TEC: variants seen among roughly 807,000 people sequenced by gnomAD.
The protein encoded by TEC is tec protein tyrosine kinase.
In TEC, 72 loss-of-function variants were observed where a neutral mutation model predicts 93.0. That is an observed-to-expected ratio of 0.77 (90% CI 0.64 to 0.94). TEC has a LOEUF of 0.94. Among genes scored for constraint, TEC ranks in the 40% least tolerant of loss-of-function variants. The probability of loss-of-function intolerance (pLI) is 0.00; values close to 1 mark genes in which losing one functional copy is unlikely to be tolerated. For missense variants in TEC, 630 were observed against 757.9 expected, an observed-to-expected ratio of 0.83 and a Z score of 1.98; for synonymous variants, 249 against 247.7, an observed-to-expected ratio of 1.01 and a Z score of -0.05.
chr4:48,176,506 A>C (rs1280349319), intron 2 of TEC, among the ~76,000 whole-genome samples: 2 of 152,162 alleles, frequency 1.3e-5, no homozygotes, highest in Admixed American at 1.3e-4. Flanking sequence ...GGATTACTTG[A>C]GGCCAGCAGT....
At chr4:48,201,334 A>G (rs1157061652) in intron 2 of TEC, among the ~76,000 whole-genome samples, 1 of 152,188 alleles carries the variant, frequency 6.6e-6, no homozygotes, top group Non-Finnish European at 1.5e-5. Context: ...AGACCTCAGA[A>G]TAGATATCAG....
chr4:48,179,361 TA>T (rs1560393149), intron 2 of TEC, among the ~76,000 whole-genome samples: 599 of 43,936 alleles, frequency 0.014, 12 homozygotes, highest in South Asian at 0.025. Flanking sequence ...TATATATATA[TA>T]TATATATATA....
intron 1 of TEC, among the ~76,000 whole-genome samples, chr4:48,263,699 C>T (rs1724557957): frequency 6.6e-6 from 1 of 151,914 alleles, no homozygotes; most frequent in South Asian, 2.1e-4. Flanking sequence ...TGTCTCCACC[C>T]CCGCCAAAAA....
At chr4:48,235,721 T>C (rs534123754) in intron 1 of TEC, among the ~76,000 whole-genome samples, 4 of 152,250 alleles carry the variant, frequency 2.6e-5, no homozygotes, top group Admixed American at 2.6e-4. Context: ...TCCAGGAGTA[T>C]CCCTATGGAA....
At chr4:48,223,471 T>C (rs375352110) in intron 2 of TEC, among the ~76,000 whole-genome samples, 15 of 152,312 alleles carry the variant, frequency 9.8e-5, no homozygotes, top group African/African-American at 2.9e-4. Context: ...GTAAGCTGTA[T>C]GTTGTGCAGG....
intron 2 of TEC, among the ~76,000 whole-genome samples, chr4:48,194,653 G>A (rs1218465675): frequency 6.6e-6 from 1 of 152,170 alleles, no homozygotes; most frequent in Admixed American, 6.5e-5. Flanking sequence ...GAGTTGGGGG[G>A]AGTGAGGAAG....
chr4:48,224,683 A>G (rs1298763936), intron 2 of TEC, among the ~76,000 whole-genome samples: 1 of 152,248 alleles, frequency 6.6e-6, no homozygotes, highest in African/African-American at 2.4e-5. Context: ...AAGGACCCAC[A>G]GCGGAAACTG....
At chr4:48,162,946 G>A (rs1017900571) in intron 8 of TEC, among the ~76,000 whole-genome samples, 21 of 152,132 alleles carry the variant, frequency 1.4e-4, no homozygotes, top group Admixed American at 4.6e-4. Context: ...CCCTAACAAT[G>A]TTCACGTACA....
At chr4:48,255,982 G>C (rs1724329824) in intron 1 of TEC, among the ~76,000 whole-genome samples, 1 of 152,144 alleles carries the variant, frequency 6.6e-6, no homozygotes, top group South Asian at 2.1e-4. Flanking sequence ...CCCAAATACA[G>C]AGTCAAAGCT....
chr4:48,232,119 T>C (rs1398110226), intron 1 of TEC, among the ~76,000 whole-genome samples: 2 of 151,924 alleles, frequency 1.3e-5, no homozygotes, highest in East Asian at 1.9e-4. Context: ...TGAAACTCCA[T>C]CTCTATTAAA....
intron 2 of TEC, among the ~76,000 whole-genome samples, chr4:48,201,164 G>A (rs1042715400): frequency 2.6e-5 from 4 of 152,196 alleles, no homozygotes; most frequent in African/African-American, 4.8e-5. Flanking sequence ...GTCCAGACAA[G>A]AGAGGGTGAA....
intron 2 of TEC, among the ~76,000 whole-genome samples, chr4:48,220,881 A>G (rs918913067): frequency 6.6e-6 from 1 of 152,154 alleles, no homozygotes; most frequent in Non-Finnish European, 1.5e-5. Context: ...GAATTAAGAC[A>G]GACCCCACAG....
intron 2 of TEC, 53 bp downstream of exon 2, chr4:48,228,424 T>C (rs1723545921): frequency 6.7e-7 from 1 of 1,490,774 alleles, no homozygotes; most frequent in East Asian, 2.4e-5. Context: ...GGCAATATTA[T>C]AAAATCGTTA....
At chr4:48,254,819 C>T (rs1177912103) in intron 1 of TEC, among the ~76,000 whole-genome samples, 4 of 152,048 alleles carry the variant, frequency 2.6e-5, no homozygotes, top group African/African-American at 9.7e-5. Flanking sequence ...GATGGAGGGG[C>T]GGGGGCTGTT....
At chr4:48,140,337 T>C (rs1274049925) in intron 15 of TEC, among the ~76,000 whole-genome samples, 1 of 152,102 alleles carries the variant, frequency 6.6e-6, no homozygotes, top group Non-Finnish European at 1.5e-5. Flanking sequence ...TCTTCCTACC[T>C]GAAATAGTTT....
intron 10 of TEC, among the ~76,000 whole-genome samples, chr4:48,150,479 C>A (rs1438609124): frequency 6.6e-6 from 1 of 152,172 alleles, no homozygotes; most frequent in Non-Finnish European, 1.5e-5. Flanking sequence ...GCCACACACA[C>A]ACATTACCCT....
At chr4:48,145,853 T>C (rs1719885672) in intron 12 of TEC, among the ~76,000 whole-genome samples, 1 of 152,198 alleles carries the variant, frequency 6.6e-6, no homozygotes, top group Non-Finnish European at 1.5e-5. Flanking sequence ...AAAGGTACTT[T>C]TGTCAAACAA....
chr4:48,203,108 A>C (rs1722585843), intron 2 of TEC, among the ~76,000 whole-genome samples: 1 of 152,190 alleles, frequency 6.6e-6, no homozygotes, highest in Non-Finnish European at 1.5e-5. Flanking sequence ...TCACACCTGT[A>C]ATCTCAACAC....
chr4:48,176,056 A>G (rs1721312530), intron 3 of TEC, 26 bp downstream of exon 3: 3 of 1,561,364 alleles, frequency 1.9e-6, no homozygotes, highest in Admixed American at 3.3e-5. Context: ...CCAGCACTGC[A>G]CTGCCACAAA....
Sources: gnomAD v4.1 joint callset for allele counts (sites outside exome capture counted in the v4.1 genomes callset) on GRCh38, gnomAD v4.1.1 for gene constraint, MANE v1.5 for transcripts, NCBI Gene and HGNC (gene_info 2026-07-23, HGNC 2026-07-21) for gene names.